The following CNTNAP5 variants were observed in gnomAD, a reference collection of about 807,000 sequenced individuals.
CNTNAP5 encodes the protein contactin associated protein family member 5.
In CNTNAP5, 72 loss-of-function variants were observed where a neutral mutation model predicts 150.2. The ratio of observed to expected loss-of-function variants is 0.48; its 90% confidence interval spans 0.40 to 0.58. The LOEUF is 0.58. Among genes scored for constraint, CNTNAP5 ranks in the 20% least tolerant of loss-of-function variants. The pLI is 0.00. For synonymous variants in CNTNAP5, 672 were observed against 619.8 expected (o/e 1.08, Z -1.25); for missense variants, 1,636 against 1,626.2 (o/e 1.01, Z -0.10).
intron 19 of CNTNAP5, among the ~76,000 whole-genome samples, chr2:124,835,620 G>A (rs76707227): frequency 0.014 from 2,064 of 152,174 alleles, 39 homozygotes; most frequent in African/African-American, 0.048. Flanking sequence ...ACATTACCCC[G>A]TCCCCAGGCA....
intron 3 of CNTNAP5, among the ~76,000 whole-genome samples, chr2:124,411,057 G>A (rs950877383): frequency 4.2e-4 from 64 of 152,226 alleles, no homozygotes; most frequent in African/African-American, 1.1e-3. Flanking sequence ...TATCACTGCC[G>A]ATCCCACAGA....
intron 2 of CNTNAP5, among the ~76,000 whole-genome samples, chr2:124,224,262 G>A (rs1043881180): frequency 5.3e-5 from 8 of 152,062 alleles, no homozygotes; most frequent in African/African-American, 1.9e-4. Flanking sequence ...CCCAGTATTT[G>A]TCAGGCATTG....
intron 1 of CNTNAP5, among the ~76,000 whole-genome samples, chr2:124,030,835 C>G (rs1335233155): frequency 1.3e-5 from 2 of 152,056 alleles, no homozygotes; most frequent in African/African-American, 4.8e-5. Context: ...CCTACACATA[C>G]AGAAACACAC....
At chr2:124,831,863 A>G (rs1173572534) in intron 19 of CNTNAP5, among the ~76,000 whole-genome samples, 1 of 152,022 alleles carries the variant, frequency 6.6e-6, no homozygotes, top group Non-Finnish European at 1.5e-5. Flanking sequence ...GACATATTGG[A>G]CAAAGCTAGT....
intron 1 of CNTNAP5, among the ~76,000 whole-genome samples, chr2:124,131,801 A>G (rs551476967): frequency 1.3e-5 from 2 of 152,316 alleles, no homozygotes; most frequent in Admixed American, 1.3e-4. Context: ...TCATCCCACT[A>G]TGGAAGCTTT....
rs112951541 is a variant in CNTNAP5 at position 124,186,299 on chromosome 2, A to G, written c.83-35406A>G. Among the ~76,000 whole-genome samples the G allele has an allele frequency of 6.0e-3, 908 of 152,366 alleles. 3 individuals carry two copies. The highest frequency in any genetic ancestry group is 0.02 in the African/African-American group (843 of 41,586). On this transcript the variant is annotated intron_variant, in intron 1 of 23. Coordinates refer to ENST00000682447, the MANE Select transcript of CNTNAP5 (RefSeq NM_001367498.1). ...AGTTGTGTGTTATGTTTAGACAAAA[A>G]TTACTGTAAATATGCTTATCTGCAT...
At chr2:124,348,976 C>T (rs1573932447) in intron 3 of CNTNAP5, among the ~76,000 whole-genome samples, 1 of 152,010 alleles carries the variant, frequency 6.6e-6, no homozygotes, top group Non-Finnish European at 1.5e-5. Flanking sequence ...TAAATTGATG[C>T]CCTTCCCAGA....
intron 19 of CNTNAP5, among the ~76,000 whole-genome samples, chr2:124,835,134 A>T (rs1158680656): frequency 6.6e-6 from 1 of 152,178 alleles, no homozygotes; most frequent in African/African-American, 2.4e-5. Context: ...CAAACTACAC[A>T]GTTTTAGAAT....
intron 1 of CNTNAP5, among the ~76,000 whole-genome samples, chr2:124,149,522 T>A (rs545115242): frequency 6.6e-6 from 1 of 151,658 alleles, no homozygotes; most frequent in African/African-American, 2.4e-5. Context: ...TATTCAGAGC[T>A]CTCTGAGATG....
intron 8 of CNTNAP5, among the ~76,000 whole-genome samples, chr2:124,509,393 T>TTATG (rs992962963): frequency 1.3e-5 from 2 of 152,128 alleles, no homozygotes; most frequent in Non-Finnish European, 2.9e-5. Flanking sequence ...TTTGCAAGCC[T>TTATG]TATGTATGTA....
At chr2:124,674,546 T>TCTTCCTTTCTTC (rs1553430202) in intron 13 of CNTNAP5, among the ~76,000 whole-genome samples, 41 of 130,292 alleles carry the variant, frequency 3.1e-4, no homozygotes, top group African/African-American at 1.1e-3. Context: ...TTTCTTTCTT[T>TCTTCCTTTCTTC]CTTTCTTCCT....
chr2:124,904,825 T>C (rs1403320125), intron 22 of CNTNAP5, among the ~76,000 whole-genome samples: 1 of 151,712 alleles, frequency 6.6e-6, no homozygotes, highest in Non-Finnish European at 1.5e-5. Flanking sequence ...AAAATATATA[T>C]ATATGTTTAC....
intron 3 of CNTNAP5, among the ~76,000 whole-genome samples, chr2:124,259,397 G>A (rs926214663): frequency 1.3e-5 from 2 of 152,036 alleles, no homozygotes; most frequent in Non-Finnish European, 2.9e-5. Context: ...TGTGTCAAAT[G>A]GTATTTCTAG....
chr2:124,239,642 A>C (rs1686837192), intron 2 of CNTNAP5, among the ~76,000 whole-genome samples: 1 of 152,052 alleles, frequency 6.6e-6, no homozygotes, highest in Admixed American at 6.6e-5. Context: ...CGCCATATAC[A>C]TTTATTTTCT....
intron 11 of CNTNAP5, among the ~76,000 whole-genome samples, chr2:124,573,338 A>C (rs1696208336): frequency 6.6e-6 from 1 of 152,100 alleles, no homozygotes; most frequent in South Asian, 2.1e-4. Context: ...AATTGGTTCC[A>C]TTTCTTCTTT....
chr2:124,422,742 G>T (rs1477363295), intron 4 of CNTNAP5, among the ~76,000 whole-genome samples: 1 of 152,166 alleles, frequency 6.6e-6, no homozygotes, highest in Non-Finnish European at 1.5e-5. Flanking sequence ...GAGCTTCTGG[G>T]CTTGCATGCT....
At chr2:124,124,515 C>G (rs1314672085) in intron 1 of CNTNAP5, among the ~76,000 whole-genome samples, 1 of 152,088 alleles carries the variant, frequency 6.6e-6, no homozygotes, top group East Asian at 1.9e-4. Flanking sequence ...GAGAACTTCC[C>G]CAATCTAGCA....
At chr2:124,405,133 C>A (rs895931607) in intron 3 of CNTNAP5, among the ~76,000 whole-genome samples, 4 of 152,134 alleles carry the variant, frequency 2.6e-5, no homozygotes, top group Non-Finnish European at 4.4e-5. Context: ...AAAGGACCTG[C>A]ACTGATTTTG....
chr2:124,162,441 G>T (rs1256299373), intron 1 of CNTNAP5, among the ~76,000 whole-genome samples: 2 of 152,168 alleles, frequency 1.3e-5, no homozygotes, highest in African/African-American at 4.8e-5. Flanking sequence ...AGTAAAGGTG[G>T]CAGAGCTGGA....
Sources: allele counts gnomAD v4.1 joint callset (sites outside exome capture counted in the v4.1 genomes callset), GRCh38; gene constraint gnomAD v4.1.1; transcripts MANE v1.5; gene names NCBI Gene and HGNC (gene_info 2026-07-23, HGNC 2026-07-21).